LRP2: variants seen among roughly 807,000 people sequenced by gnomAD.
LRP2 encodes the protein low-density lipoprotein receptor-related protein 2.
In LRP2, 172 loss-of-function variants were observed where a neutral mutation model predicts 531.0. That is an observed-to-expected ratio of 0.32 (90% CI 0.29 to 0.37). The LOEUF is 0.37. Among genes scored for constraint, LRP2 ranks in the 10% least tolerant of loss-of-function variants. The pLI, the probability that LRP2 is intolerant of heterozygous loss-of-function variation, is 1.00. For missense variants in LRP2, 5,167 were observed against 5,868.3 expected, an observed-to-expected ratio of 0.88 and a Z score of 3.90; for synonymous variants, 1,992 against 2,027.6, an observed-to-expected ratio of 0.98 and a Z score of 0.47.
intron 3 of LRP2, among the ~76,000 whole-genome samples, chr2:169,315,070 G>A (rs149043255): frequency 4.9e-4 from 74 of 152,200 alleles, no homozygotes; most frequent in African/African-American, 1.7e-3. Flanking sequence ...AAGGGCTTAC[G>A]AAGAAGCAAT....
chr2:169,270,111 T>C (rs1013383270), intron 16 of LRP2, among the ~76,000 whole-genome samples: 4 of 152,210 alleles, frequency 2.6e-5, no homozygotes, highest in Admixed American at 6.5e-5. Context: ...AAACAACAGG[T>C]GCTGGAGAGG....
chr2:169,360,587 G>T (rs1559092398), intron 1 of LRP2, among the ~76,000 whole-genome samples: 1 of 152,126 alleles, frequency 6.6e-6, no homozygotes, highest in Non-Finnish European at 1.5e-5. Context: ...ATTTCCTTTT[G>T]CCAGGCACTG....
intron 1 of LRP2, among the ~76,000 whole-genome samples, chr2:169,348,878 A>G (rs1237290798): frequency 6.6e-6 from 1 of 152,140 alleles, no homozygotes; most frequent in East Asian, 1.9e-4. Flanking sequence ...ACTTGCTTTG[A>G]TAGAGACAGC....
rs146997693 is a variant in LRP2 at position 169,190,755 on chromosome 2, G to C, written c.9032+1077C>G. Among the ~76,000 whole-genome samples, 149 of 152,294 alleles carry C rather than the reference G, an allele frequency of 9.8e-4. 1 individual carries two copies. The highest frequency in any genetic ancestry group is 3.1e-3 in the African/African-American group (129 of 41,562). On this transcript the variant is annotated intron_variant, in intron 48 of 78. Coordinates refer to ENST00000649046, the MANE Select transcript of LRP2 (RefSeq NM_004525.3). Reference sequence around the variant, plus strand: ...TACCTAAGACATACTTTCACCTCAGGAAGTCCTACTATGTCAAACTCACCT... The same window carrying C: ...TACCTAAGACATACTTTCACCTCAGCAAGTCCTACTATGTCAAACTCACCT...
chr2:169,313,713 G>C (rs1684682027), intron 3 of LRP2, among the ~76,000 whole-genome samples: 1 of 152,114 alleles, frequency 6.6e-6, no homozygotes, highest in African/African-American at 2.4e-5. Context: ...TGTGCTGGGA[G>C]ATCCACTACT....
rs1685647600 is a variant in LRP2, at chr2:169,139,609, A to G, written c.13201T>C (p.Cys4401Arg). Residue 4401 changes from cysteine to arginine, a missense_variant and splice_region_variant, in exon 73 of 79, where the codon TGT becomes CGT. Cys to Arg is a radical substitution (Grantham distance 180, BLOSUM62 -3). Around this residue, in one of 6 missense-constraint regions of LRP2, gnomAD observed 348 missense variants for 369.3 expected, o/e 0.94. Coordinates refer to ENST00000649046, the MANE Select transcript of LRP2 (RefSeq NM_004525.3). ...FDETDLPKCKCPSGYTGKYCE... is the reference protein window; with the variant it reads ...FDETDLPKCKRPSGYTGKYCE... ...TATTTTCCGGTGTAGCCGCTAGGAC[A>G]CCTGAAAGGAAAAAGCAAATCATTC... 1 of 1,614,128 alleles carries G rather than the reference A, an allele frequency of 6.2e-7. No individual in the cohort carries two copies. The highest frequency in any genetic ancestry group is 8.5e-7 in the Non-Finnish European group (1 of 1,180,002).
At chr2:169,236,530 C>T (rs574282521) in intron 28 of LRP2, among the ~76,000 whole-genome samples, 3 of 152,290 alleles carry the variant, frequency 2.0e-5, no homozygotes, top group African/African-American at 4.8e-5. Context: ...TTGAACATAA[C>T]TTGCCTAATT....
In LRP2 at chr2:169,294,649, C is replaced by A; in HGVS notation, c.489G>T (p.Lys163Asn). ...DNGACYNTSQ[K>N]CDWKVDCRDS... is the part of the protein sequence containing the mutation. Reference sequence around the variant, plus strand: ...CCCTGCAATCAACTTTCCAATCACACTTCTGACTGGTGTTATAGCAGGCCC... The same window carrying A: ...CCCTGCAATCAACTTTCCAATCACAATTCTGACTGGTGTTATAGCAGGCCC... The change falls in exon 5 of 79, where the codon AAG becomes AAT. Residue 163 changes from lysine to asparagine, a missense_variant. Physicochemically the swap from Lys to Asn is moderately conservative, Grantham distance 94. Around this residue, in one of 6 missense-constraint regions of LRP2, gnomAD observed 2,811 missense variants for 3,058.0 expected, o/e 0.92. Coordinates refer to ENST00000649046, the MANE Select transcript of LRP2 (RefSeq NM_004525.3). The A allele has an allele frequency of 6.2e-7, 1 of 1,607,604 alleles. No individual in the cohort carries two copies. Among genetic ancestry groups the A allele is most frequent in the Non-Finnish European group, 8.5e-7 (1 of 1,177,294 alleles).
chr2:169,327,250 T>A (rs1270535787), intron 1 of LRP2, among the ~76,000 whole-genome samples: 1 of 35,096 alleles, frequency 2.8e-5, no homozygotes. Flanking sequence ...CAGCCCCACG[T>A]CCGGGAGGGA....
intron 63 of LRP2, among the ~76,000 whole-genome samples, chr2:169,158,061 T>TATACAC (rs71397692): frequency 3.6e-4 from 51 of 141,478 alleles, no homozygotes; most frequent in East Asian, 1.7e-3. Context: ...ATTGATTATA[T>TATACAC]ACACACACAC....
Position 169,318,922 on chromosome 2 carries a change from T to C in LRP2, c.188-38A>G, listed in dbSNP as rs763826972. ...AAAAGAGGACTCATTATGGCAATCA[T>C]CCTCCCCATTATACTAGCAAGCAAT... On this transcript the variant is annotated intron_variant, in intron 2 of 78. Coordinates refer to ENST00000649046, the MANE Select transcript of LRP2 (RefSeq NM_004525.3). The C allele has an allele frequency of 7.4e-6, 12 of 1,613,226 alleles. No homozygotes were observed. The South Asian group carries it at 1.2e-4, about 16-fold the overall frequency.
intron 1 of LRP2, among the ~76,000 whole-genome samples, chr2:169,323,093 A>G (rs1365232941): frequency 6.6e-6 from 1 of 152,204 alleles, no homozygotes. Flanking sequence ...TCAATTATTT[A>G]AAATCACACA....
rs550508133 is a variant in LRP2 at position 169,307,405 on chromosome 2, G to A, written c.311-8C>T. On this transcript the variant is annotated splice_region_variant and splice_polypyrimidine_tract_variant and intron_variant, in intron 3 of 78. Coordinates refer to ENST00000649046, the MANE Select transcript of LRP2 (RefSeq NM_004525.3). ...TTGAGCATGTACTTTGTGCTGCGAA[G>A]AGAAAAAATTATTACTTAATTTATA... 7 of 1,484,682 alleles carry A rather than the reference G, an allele frequency of 4.7e-6. No homozygotes were observed. Among genetic ancestry groups the A allele is most frequent in the Middle Eastern group, 1.7e-4 (1 of 5,810 alleles). The allele number at this position is 1,484,682 out of a possible 1,614,324, so 92.0% of individuals were successfully genotyped here.
intron 50 of LRP2, among the ~76,000 whole-genome samples, chr2:169,184,757 TG>T (rs1053697058): frequency 3.0e-5 from 3 of 98,544 alleles, no homozygotes; most frequent in Non-Finnish European, 6.3e-5. Flanking sequence ...TTGTTTTTTT[TG>T]TTTTGTTTGT....
At chr2:169,199,989 G>A (rs897774995) in intron 44 of LRP2, among the ~76,000 whole-genome samples, 5 of 152,132 alleles carry the variant, frequency 3.3e-5, no homozygotes, top group African/African-American at 4.8e-5. Flanking sequence ...AGTGGCTCAC[G>A]CCTGTAATCC....
At chr2:169,166,654 C>T (rs763496331) in intron 61 of LRP2, among the ~76,000 whole-genome samples, 2 of 152,264 alleles carry the variant, frequency 1.3e-5, no homozygotes, top group Admixed American at 6.5e-5. Context: ...ATTCCCTCAC[C>T]TCTTACATTT....
intron 30 of LRP2, among the ~76,000 whole-genome samples, chr2:169,232,830 T>C (rs1462170027): frequency 1.3e-5 from 2 of 152,088 alleles, no homozygotes; most frequent in African/African-American, 4.8e-5. Context: ...AGCAGGGAAA[T>C]AGCAGCAGCC....
intron 4 of LRP2, among the ~76,000 whole-genome samples, chr2:169,305,705 G>C (rs1023591176): frequency 1.1e-4 from 17 of 152,176 alleles, no homozygotes; most frequent in African/African-American, 4.1e-4. Context: ...GCAAACAAAA[G>C]GAAGTACAGT....
intron 33 of LRP2, 104 bp downstream of exon 33, chr2:169,225,206 T>G (rs971325078): frequency 8.1e-7 from 1 of 1,227,508 alleles, no homozygotes; most frequent in Admixed American, 1.8e-5. Flanking sequence ...TTTTTCTTTT[T>G]GCTTAAAAAT....
Sources: allele counts gnomAD v4.1 joint callset (sites outside exome capture counted in the v4.1 genomes callset), GRCh38; gene constraint gnomAD v4.1.1; regional missense constraint gnomAD v4.1.1; transcripts MANE v1.5; gene names NCBI Gene and HGNC (gene_info 2026-07-23, HGNC 2026-07-21).